The following ADAMTS14 variants were observed in gnomAD, a reference collection of about 807,000 sequenced individuals.
ADAMTS14 encodes A disintegrin and metalloproteinase with thrombospondin motifs 14.
In ADAMTS14, 100 loss-of-function variants were observed where a neutral mutation model predicts 128.6. That is an observed-to-expected ratio of 0.78 (90% CI 0.66 to 0.92). ADAMTS14 has a LOEUF of 0.92. ADAMTS14 is among the 40% of genes least tolerant of loss of function. The probability of loss-of-function intolerance (pLI) is 0.00; values close to 1 mark genes in which losing one functional copy is unlikely to be tolerated. For synonymous variants in ADAMTS14, 665 were observed against 653.8 expected, an observed-to-expected ratio of 1.02 and a Z score of -0.26; for missense variants, 1,562 against 1,658.6, an observed-to-expected ratio of 0.94 and a Z score of 1.01.
At chr10:70,749,679 C>T (rs1025505073) in intron 15 of ADAMTS14, 143 bp from the exon 16 acceptor site, 1 of 985,412 alleles carries the variant, frequency 1.0e-6, no homozygotes, top group Non-Finnish European at 1.5e-6. Context: ...ACCTGTCTGA[C>T]TCGGGAGGGC....
At chr10:70,732,588 T>G (rs1322442765) in intron 7 of ADAMTS14, among the ~76,000 whole-genome samples, 1 of 152,210 alleles carries the variant, frequency 6.6e-6, no homozygotes, top group Non-Finnish European at 1.5e-5. Context: ...GGGCCTGCCT[T>G]GGGCCCAGCC....
Position 70,732,190 on chromosome 10 carries a change from TC to T in ADAMTS14, c.1103-63del, listed in dbSNP as rs911846772. 9.2e-6 allele frequency: 13 copies of T among 1,409,578 alleles called. No homozygotes were observed. The African/African-American group carries it at 1.4e-4, about 15-fold the overall frequency. The allele number at this position is 1,409,578 out of a possible 1,614,324, so 87.3% of individuals were successfully genotyped here. A position where few individuals can be genotyped will look rare whatever the true frequency, so the allele number is the denominator to read the frequency against. On this transcript the variant is annotated intron_variant, in intron 6 of 21. Transcript: ENST00000373207. ...CAGAGGGCTGGGCTGGGCACAGACC[TC>T]AGTGTGTCCTGCCTCACCTGCCCTC... is the stretch of plus-strand genomic sequence containing the variant.
At chr10:70,746,775 A>G (rs1355696842) in intron 15 of ADAMTS14, among the ~76,000 whole-genome samples, 2 of 152,174 alleles carry the variant, frequency 1.3e-5, no homozygotes, top group Non-Finnish European at 1.5e-5. Flanking sequence ...TATTCGAGTG[A>G]GTTGTATGGC....
At chr10:70,727,323 C>CACT (rs1841470249) in intron 4 of ADAMTS14, among the ~76,000 whole-genome samples, 1 of 152,218 alleles carries the variant, frequency 6.6e-6, no homozygotes, top group Non-Finnish European at 1.5e-5. Context: ...AGTGCTATTA[C>CACT]TCTTCTCCGT....
intron 12 of ADAMTS14, among the ~76,000 whole-genome samples, 173 bp downstream of exon 12, chr10:70,741,335 G>C (rs1159578940): frequency 6.6e-6 from 1 of 152,228 alleles, no homozygotes; most frequent in East Asian, 1.9e-4. Flanking sequence ...TTGTAGGCCT[G>C]TTCTTGGTAT....
At chr10:70,753,553 G>A (rs953486009) in intron 18 of ADAMTS14, among the ~76,000 whole-genome samples, 2 of 152,316 alleles carry the variant, frequency 1.3e-5, no homozygotes, top group Middle Eastern at 3.4e-3. Flanking sequence ...GACATGCAGG[G>A]TGCTAGGATT....
chr10:70,697,535 T>C (rs1023656312), intron 2 of ADAMTS14, among the ~76,000 whole-genome samples: 4 of 152,252 alleles, frequency 2.6e-5, no homozygotes, highest in African/African-American at 7.2e-5. Flanking sequence ...TACATGCAAT[T>C]TGAGAATAGA....
chr10:70,688,685 GCGAAACCC>G (rs1840071134), intron 2 of ADAMTS14, among the ~76,000 whole-genome samples: 1 of 113,626 alleles, frequency 8.8e-6, no homozygotes, highest in Admixed American at 8.8e-5. Flanking sequence ...GGCCAACACA[GCGAAACCC>G]CGTCTCCACC....
chr10:70,732,425 C>T (rs1841673965), intron 7 of ADAMTS14, 66 bp downstream of exon 7: 16 of 1,432,166 alleles, frequency 1.1e-5, no homozygotes, highest in Non-Finnish European at 1.4e-5. Flanking sequence ...AATTCTGTGG[C>T]TGTGGGAGGA....
chr10:70,715,315 G>A (rs4747088), intron 4 of ADAMTS14, among the ~76,000 whole-genome samples: 10,046 of 152,182 alleles, frequency 0.066, 443 homozygotes, highest in East Asian at 0.17. Context: ...CTGGGAACAG[G>A]ACCCCAGGAG....
intron 21 of ADAMTS14, 69 bp downstream of exon 21, chr10:70,758,354 C>A: frequency 1.4e-6 from 2 of 1,418,802 alleles, no homozygotes; most frequent in South Asian, 1.3e-5. Flanking sequence ...GCAGCATGGG[C>A]CACTCAGTGG....
intron 3 of ADAMTS14, among the ~76,000 whole-genome samples, chr10:70,706,223 A>T (rs865799242): frequency 1.3e-5 from 2 of 152,140 alleles, no homozygotes; most frequent in Non-Finnish European, 2.9e-5. Flanking sequence ...GCAGAGAGAG[A>T]ATTATGGCTG....
chr10:70,753,461 C>T (rs1842402903), intron 18 of ADAMTS14, among the ~76,000 whole-genome samples: 1 of 152,192 alleles, frequency 6.6e-6, no homozygotes, highest in Non-Finnish European at 1.5e-5. Context: ...CCAGTGGGCC[C>T]TCAAATATGT....
At chr10:70,757,334 C>T (rs759633417) in intron 19 of ADAMTS14, among the ~76,000 whole-genome samples, 1 of 152,156 alleles carries the variant, frequency 6.6e-6, no homozygotes. Context: ...TTTGAACATA[C>T]TTCTGCAGGC....
chr10:70,739,025 A>T, intron 11 of ADAMTS14, 35 bp downstream of exon 11: 1 of 1,575,438 alleles, frequency 6.3e-7, no homozygotes, highest in Non-Finnish European at 8.6e-7. Context: ...GAGGGCAGGG[A>T]GTCCCTCCCC....
chr10:70,706,214 C>T (rs1259676748), intron 3 of ADAMTS14, among the ~76,000 whole-genome samples: 1 of 152,222 alleles, frequency 6.6e-6, no homozygotes, highest in East Asian at 1.9e-4. Flanking sequence ...AGAAAGTCTG[C>T]AGAGAGAGAA....
intron 4 of ADAMTS14, among the ~76,000 whole-genome samples, chr10:70,716,583 C>CTGGGATGCT (rs1414378339): frequency 3.3e-5 from 5 of 152,178 alleles, no homozygotes; most frequent in Non-Finnish European, 7.3e-5. Context: ...TTTTATTTGG[C>CTGGGATGCT]TGGGATGCTT....
In ADAMTS14 at chr10:70,730,173, G is replaced by C. The variant is rs1361307030; in HGVS notation, c.1026G>C (p.Gln342His). The C allele has an allele frequency of 1.9e-6, 3 of 1,613,680 alleles. No homozygotes were observed. The South Asian group carries it at 3.3e-5, about 18-fold the overall frequency. Residue 342 changes from glutamine to histidine, a missense_variant, in exon 6 of 22, where the codon CAG becomes CAC. By Grantham distance (24) the Gln-to-His change is conservative. Transcript: ENST00000373207. ...LEQVCRWAHS[Q>H]QRQDPSHAEH... The stretch of plus-strand genomic sequence containing the variant: ...AGGTGTGTCGCTGGGCACACTCCCA[G>C]CAGCGCCAGGACCCCAGCCACGCTG...
chr10:70,708,804 T>G (rs1360464582), intron 4 of ADAMTS14, 26 bp downstream of exon 4: 192 of 453,332 alleles, frequency 4.2e-4, no homozygotes, highest in Non-Finnish European at 5.9e-4. Flanking sequence ...TCCTAGGACT[T>G]GGGGGGAGTG....
Sources: allele counts gnomAD v4.1 joint callset (sites outside exome capture counted in the v4.1 genomes callset), GRCh38; gene constraint gnomAD v4.1.1; transcripts MANE v1.5; gene names NCBI Gene and HGNC (gene_info 2026-07-23, HGNC 2026-07-21).